THSD7B: variants seen among roughly 807,000 people sequenced by gnomAD.
THSD7B encodes the protein thrombospondin type 1 domain containing 7B.
In THSD7B, 138 loss-of-function variants were observed where a neutral mutation model predicts 213.6. The observed-to-expected ratio is 0.65, with a 90% CI of 0.56 to 0.74. THSD7B has a LOEUF of 0.74. Ranked by LOEUF, THSD7B falls within the 30% of genes least tolerant of loss-of-function variation. The pLI is 0.00. For missense variants in THSD7B, 1,931 were observed against 1,991.5 expected (o/e 0.97, Z 0.58); for synonymous variants, 742 against 687.0 (o/e 1.08, Z -1.25).
chr2:137,630,880 G>A (rs958213485), intron 20 of THSD7B, among the ~76,000 whole-genome samples: 3 of 152,182 alleles, frequency 2.0e-5, no homozygotes, highest in Admixed American at 6.5e-5. Context: ...GCAGTTCTCA[G>A]CTGATGTCTT....
At chr2:137,435,280 T>C (rs1687269248) in intron 14 of THSD7B, among the ~76,000 whole-genome samples, 1 of 152,212 alleles carries the variant, frequency 6.6e-6, no homozygotes, top group African/African-American at 2.4e-5. Context: ...TTTAAGGGTA[T>C]GCCATGTGTT....
At chr2:136,805,683 T>G (rs1362722474) in intron 1 of THSD7B, among the ~76,000 whole-genome samples, 1 of 152,216 alleles carries the variant, frequency 6.6e-6, no homozygotes, top group Non-Finnish European at 1.5e-5. Flanking sequence ...GCTGATCTGC[T>G]GATTGGGTTT....
At chr2:137,563,162 C>T in intron 15 of THSD7B, 59 bp from the exon 16 acceptor site, 1 of 1,562,620 alleles carries the variant, frequency 6.4e-7, no homozygotes, top group Non-Finnish European at 8.7e-7. Flanking sequence ...AAAAGATAGG[C>T]TATTTTTCTA....
chr2:137,359,538 C>A (rs529697674), intron 12 of THSD7B, among the ~76,000 whole-genome samples: 1 of 152,080 alleles, frequency 6.6e-6, no homozygotes, highest in Non-Finnish European at 1.5e-5. Flanking sequence ...GGTAGGTAAG[C>A]GCTTACTGAA....
chr2:137,472,063 G>T (rs190287217), intron 15 of THSD7B, among the ~76,000 whole-genome samples: 1 of 152,180 alleles, frequency 6.6e-6, no homozygotes, highest in Non-Finnish European at 1.5e-5. Flanking sequence ...CCTACAATCT[G>T]CAGGTGTTGG....
chr2:137,331,876 C>T (rs2104894569), intron 12 of THSD7B, among the ~76,000 whole-genome samples: 1 of 152,248 alleles, frequency 6.6e-6, no homozygotes, highest in East Asian at 1.9e-4. Context: ...TTGCCCGGGG[C>T]CGGCGGGGCC....
At chr2:136,796,274 C>T (rs2104918198) in intron 1 of THSD7B, among the ~76,000 whole-genome samples, 1 of 152,080 alleles carries the variant, frequency 6.6e-6, no homozygotes, top group East Asian at 1.9e-4. Flanking sequence ...GGATGGCAGG[C>T]TGATTGCCAG....
intron 14 of THSD7B, among the ~76,000 whole-genome samples, chr2:137,434,732 T>A (rs1386063534): frequency 6.6e-6 from 1 of 152,246 alleles, no homozygotes; most frequent in Non-Finnish European, 1.5e-5. Flanking sequence ...GCTACAGTGA[T>A]AGTTCCTCAA....
At chr2:137,284,313 G>C (rs1683113731) in intron 12 of THSD7B, among the ~76,000 whole-genome samples, 2 of 152,030 alleles carry the variant, frequency 1.3e-5, no homozygotes, top group African/African-American at 2.4e-5. Context: ...AGTCCTGCTA[G>C]TGATCAATCA....
intron 10 of THSD7B, 82 bp downstream of exon 10, chr2:137,242,654 T>C: frequency 2.0e-6 from 2 of 1,014,964 alleles, no homozygotes; most frequent in East Asian, 2.7e-5. Flanking sequence ...GGTTGTGGAA[T>C]GTGAGCACCT....
chr2:136,967,002 C>T (rs1301217097), intron 2 of THSD7B, among the ~76,000 whole-genome samples: 1 of 152,034 alleles, frequency 6.6e-6, no homozygotes, highest in Non-Finnish European at 1.5e-5. Context: ...ATTTAACTGC[C>T]ATTCCATTTT....
chr2:137,254,926 G>A (rs529419935), intron 10 of THSD7B, among the ~76,000 whole-genome samples: 63 of 152,036 alleles, frequency 4.1e-4, no homozygotes, highest in Admixed American at 7.2e-4. Flanking sequence ...GAGAAAGAGT[G>A]AGGGGGGGCT....
At chr2:137,552,011 T>C (rs1197570392) in intron 15 of THSD7B, among the ~76,000 whole-genome samples, 1 of 152,140 alleles carries the variant, frequency 6.6e-6, no homozygotes, top group African/African-American at 2.4e-5. Flanking sequence ...TTCCTACAGA[T>C]ACCAATTCAA....
intron 14 of THSD7B, among the ~76,000 whole-genome samples, chr2:137,442,111 A>G (rs1687425086): frequency 6.6e-6 from 1 of 152,136 alleles, no homozygotes; most frequent in Non-Finnish European, 1.5e-5. Context: ...ATGGAGATTT[A>G]ATATTTTATC....
At chr2:136,998,906 A>G (rs1464623740) in intron 2 of THSD7B, among the ~76,000 whole-genome samples, 1 of 91,312 alleles carries the variant, frequency 1.1e-5, no homozygotes, top group Non-Finnish European at 2.1e-5. Context: ...TGAATACCCA[A>G]CAGACACACA....
intron 2 of THSD7B, among the ~76,000 whole-genome samples, chr2:136,915,709 G>A (rs1486331815): frequency 6.6e-6 from 1 of 152,226 alleles, no homozygotes; most frequent in Non-Finnish European, 1.5e-5. Context: ...TGGTTACACA[G>A]CAAGTAAGTG....
intron 14 of THSD7B, among the ~76,000 whole-genome samples, chr2:137,450,346 T>C (rs1252999782): frequency 1.3e-5 from 2 of 152,220 alleles, no homozygotes; most frequent in Non-Finnish European, 1.5e-5. Context: ...TACTGTCTTC[T>C]TTCAATAATA....
At chr2:136,972,573 C>T (rs7592184) in intron 2 of THSD7B, among the ~76,000 whole-genome samples, 73,494 of 151,896 alleles carry the variant, frequency 0.48, 19,150 homozygotes, top group Non-Finnish European at 0.59. Flanking sequence ...TTTTCATTAC[C>T]TTTAGTCAAC....
rs113379965 is a variant in THSD7B at position 137,419,662 on chromosome 2, G to A, written c.2959+7790G>A. On this transcript the variant is annotated intron_variant, in intron 14 of 27. Coordinates refer to ENST00000409968, the MANE Select transcript of THSD7B (RefSeq NM_001316349.2). ...GTAGAAAACCAATTAGGAAAGGGTA[G>A]GTATATGTAAAATAGGTGAAGGGTG... 6.1e-4 allele frequency among the ~76,000 whole-genome samples: 92 copies of A among 151,916 alleles called. 1 individual carries two copies. Among genetic ancestry groups the A allele is most frequent in the Middle Eastern group, 3.4e-3 (1 of 294 alleles).
Sources: gnomAD v4.1 joint callset for allele counts (sites outside exome capture counted in the v4.1 genomes callset) on GRCh38, gnomAD v4.1.1 for gene constraint, MANE v1.5 for transcripts, NCBI Gene and HGNC (gene_info 2026-07-23, HGNC 2026-07-21) for gene names.